ZNF518A: variants seen among roughly 807,000 people sequenced by gnomAD.
ZNF518A encodes the protein zinc finger protein 518A.
Under a neutral mutation model 102.7 loss-of-function variants are expected in ZNF518A, and 47 were observed. The observed-to-expected ratio is 0.46, with a 90% CI of 0.36 to 0.58. ZNF518A has a LOEUF of 0.58. ZNF518A is among the 20% of genes least tolerant of loss of function. ZNF518A has a pLI of 0.00. For missense variants in ZNF518A, 1,793 were observed against 1,699.8 expected (o/e 1.05, Z -0.96); for synonymous variants, 652 against 594.6 (o/e 1.10, Z -1.40).
At position 96,180,180 on chromosome 10, in the gene ZNF518A, CTT is replaced by C. The variant is rs60561670; in HGVS notation, n.36-23371_36-23370del. On this transcript the variant is annotated intron_variant and non_coding_transcript_variant, in intron 1 of 2. Transcript: ENST00000442635. ...CAGGCATGAACCACAGCTCCAGCCT[CTT>C]TTTTTTTTTTTTTTTTTTTTTTAAT... is the stretch of plus-strand genomic sequence containing the variant. Among the ~76,000 whole-genome samples the C allele has an allele frequency of 1.2e-3, 119 of 96,276 alleles. No homozygotes were observed. In the East Asian group the frequency reaches 0.017, roughly 14 times the overall value. The allele number at this position is 96,276 out of a possible 152,430, so 63.2% of individuals were successfully genotyped here. A position where few individuals can be genotyped will look rare whatever the true frequency, so the allele number is the denominator to read the frequency against.
chr10:96,157,442 G>C lies in ZNF518A; in HGVS notation c.1120G>C (p.Asp374His). The C allele has an allele frequency of 6.2e-7, 1 of 1,613,598 alleles. No individual in the cohort carries two copies. The highest frequency in any genetic ancestry group is 8.5e-7 in the Non-Finnish European group (1 of 1,179,706). The change falls in exon 6 of 6, where the codon GAT becomes CAT. Residue 374 changes from aspartate to histidine, a missense_variant. Around this residue, in one of 3 missense-constraint regions of ZNF518A, gnomAD observed 1,741 missense variants for 1,622.6 expected, o/e 1.07. Coordinates refer to ENST00000316045, the MANE Select transcript of ZNF518A (RefSeq NM_001330736.2). ...TCAAGAGCATTTAAGTGAAGAAAAG[G>C]ATGAAAGACTACACTGTGAGAATAA... Reference protein sequence around the residue: ...VVQEHLSEEKDERLHCENNDK... With the variant: ...VVQEHLSEEKHERLHCENNDK...
chr10:96,156,414 C>A lies in ZNF518A; in HGVS notation c.92C>A (p.Ser31Ter). Residue 31 changes from serine to a stop codon, truncating the protein, a stop_gained, in exon 6 of 6, where the codon TCG (serine) becomes TAG (stop). Transcript: ENST00000316045. LOFTEE classifies it high-confidence loss of function. Reference sequence around the variant, plus strand: ...GTGAAAAATGAGATAGTTGATAGGTCGGCACCTAAACCAAAAATTTCAGGA... The same window carrying A: ...GTGAAAAATGAGATAGTTGATAGGTAGGCACCTAAACCAAAAATTTCAGGA... Reference protein sequence around the residue: ...YDVKNEIVDRSAPKPKISGSI... With the variant: ...YDVKNEIVDR 6.2e-7 allele frequency: 1 copy of A among 1,612,166 alleles called. No individual in the cohort carries two copies. Among genetic ancestry groups the A allele is most frequent in the South Asian group, 1.1e-5 (1 of 90,472 alleles).
chr10:96,140,397 G>A (rs1554876087), intron 3 of ZNF518A, among the ~76,000 whole-genome samples: 2 of 152,076 alleles, frequency 1.3e-5, no homozygotes, highest in Non-Finnish European at 2.9e-5. Context: ...GAGTAAGAAT[G>A]GATCACATGA....
At chr10:96,194,600 A>T (rs1477523521) in intron 1 of ZNF518A, among the ~76,000 whole-genome samples, 1 of 152,178 alleles carries the variant, frequency 6.6e-6, no homozygotes, top group Non-Finnish European at 1.5e-5. Flanking sequence ...CATTTATCTG[A>T]TAAGGGGTTA....
rs782149872 is a variant in ZNF518A, at chr10:96,157,955, G to A, written c.1633G>A (p.Asp545Asn). Reference sequence around the variant, plus strand: ...AAGGAATAATATGCTTCAAACAATGGATTATGAGAAAAGTGTATCTTCTTT... The same window carrying A: ...AAGGAATAATATGCTTCAAACAATGAATTATGAGAAAAGTGTATCTTCTTT... Reference protein sequence around the residue: ...SQRNNMLQTMDYEKSVSSLSA... With the variant: ...SQRNNMLQTMNYEKSVSSLSA... The change falls in exon 6 of 6, where the codon GAT becomes AAT. Residue 545 changes from aspartate to asparagine, a missense_variant. Transcript: ENST00000316045. 21 of 1,613,650 alleles carry A rather than the reference G, an allele frequency of 1.3e-5. No homozygotes were observed. The highest frequency in any genetic ancestry group is 1.7e-5 in the Non-Finnish European group (20 of 1,179,784).
intron 1 of ZNF518A, chr10:96,199,990 T>G: frequency 2.0e-6 from 2 of 997,032 alleles, no homozygotes; most frequent in Admixed American, 3.3e-5. Flanking sequence ...ATCGAGCCAC[T>G]GCACTCCAGT....
At chr10:96,132,806 G>C (rs587708134) in intron 2 of ZNF518A, 136 bp downstream of exon 2, 1 of 152,134 alleles carries the variant, frequency 6.6e-6, no homozygotes, top group African/African-American at 2.4e-5. Flanking sequence ...AATTTTTTGA[G>C]TGCTGACATG....
rs1554887635 is a variant in ZNF518A, at chr10:96,160,814, T to A, written c.*40T>A. ...CAAGGAAAAGAAAAGTAAAATTACCTTAGAAGAAAACAACGGGTTCAGTTA... is the reference window on the plus strand; with the variant it reads ...CAAGGAAAAGAAAAGTAAAATTACCATAGAAGAAAACAACGGGTTCAGTTA... On this transcript the variant is annotated 3_prime_UTR_variant, in exon 6 of 6. Transcript: ENST00000316045. 1 of 1,477,606 alleles carries A rather than the reference T, an allele frequency of 6.8e-7. No individual in the cohort carries two copies. Among genetic ancestry groups the A allele is most frequent in the African/African-American group, 1.4e-5 (1 of 70,604 alleles). The allele number at this position is 1,477,606 out of a possible 1,614,324, so 91.5% of individuals were successfully genotyped here. A position where few individuals can be genotyped will look rare whatever the true frequency, so the allele number is the denominator to read the frequency against.
intron 1 of ZNF518A, chr10:96,199,889 G>T (rs2083584156): frequency 6.3e-6 from 2 of 319,822 alleles, no homozygotes; most frequent in South Asian, 6.7e-5. Context: ...CCGGGCTTGG[G>T]GGCACACACA....
chr10:96,138,294 C>G (rs1165113607), intron 3 of ZNF518A, among the ~76,000 whole-genome samples: 1 of 152,170 alleles, frequency 6.6e-6, no homozygotes, highest in African/African-American at 2.4e-5. Context: ...AAACCAAAGC[C>G]TTTACAGTTT....
chr10:96,183,308 A>T, intron 1 of ZNF518A, among the ~76,000 whole-genome samples: 1 of 150,304 alleles, frequency 6.7e-6, no homozygotes, highest in African/African-American at 2.5e-5. Flanking sequence ...TGTGTCTTTA[A>T]CTCCTTCAGT....
intron 3 of ZNF518A, among the ~76,000 whole-genome samples, chr10:96,152,908 A>T (rs1473745050): frequency 6.6e-6 from 1 of 152,234 alleles, no homozygotes; most frequent in African/African-American, 2.4e-5. Flanking sequence ...ATTGATTGAT[A>T]GATACATAAA....
chr10:96,156,670 A>C lies in ZNF518A; in HGVS notation c.348A>C (p.Ile116=). 1 of 1,613,756 alleles carries C rather than the reference A, an allele frequency of 6.2e-7. No homozygotes were observed. Among genetic ancestry groups the C allele is most frequent in the South Asian group, 1.1e-5 (1 of 91,066 alleles). ...AGGGTGTAAAAATGTCTGCAAAAAT[A>C]CTCAATTTCAGCTGTTTAAAATGCC... ...EEEGVKMSAK[I]LNFSCLKCRD... The change falls in exon 6 of 6, where the codon ATA becomes ATC. Residue 116 remains isoleucine, a synonymous_variant. Transcript: ENST00000316045.
At chr10:96,142,787 G>A (rs2081997619) in intron 3 of ZNF518A, among the ~76,000 whole-genome samples, 1 of 151,078 alleles carries the variant, frequency 6.6e-6, no homozygotes, top group African/African-American at 2.4e-5. Flanking sequence ...AAATCTTTCC[G>A]GACCCAATGT....
At chr10:96,135,676 G>A (rs1312587595) in intron 3 of ZNF518A, among the ~76,000 whole-genome samples, 2 of 152,086 alleles carry the variant, frequency 1.3e-5, no homozygotes, top group Non-Finnish European at 2.9e-5. Flanking sequence ...ATTTATTTCT[G>A]GTGCACAGAT....
chr10:96,204,770 C>T (rs1179131731), downstream of ZNF518A: 9 of 684,136 alleles, frequency 1.3e-5, no homozygotes, highest in African/African-American at 1.1e-4. Context: ...GTGCACTTGC[C>T]AGTCTGTTGA....
chr10:96,190,157 C>T, intron 1 of ZNF518A: 1 of 926,470 alleles, frequency 1.1e-6, no homozygotes, highest in South Asian at 1.3e-5. Flanking sequence ...GCCTTTAGTT[C>T]ACAACTGAAA....
chr10:96,180,161 T>C (rs2133891581), intron 1 of ZNF518A, among the ~76,000 whole-genome samples: 1 of 147,260 alleles, frequency 6.8e-6, no homozygotes, highest in South Asian at 2.1e-4. Context: ...GTTACAGGCA[T>C]GAACCACAGC....
rs1256026938 is a variant in ZNF518A at position 96,163,085 on chromosome 10, G to A, written c.*2311G>A. ...AGAAGGAACTTTCCTGCTAATATTCGCAGCACTATAACATTACATTTCAGA... is the reference window on the plus strand; with the variant it reads ...AGAAGGAACTTTCCTGCTAATATTCACAGCACTATAACATTACATTTCAGA... On this transcript the variant is annotated 3_prime_UTR_variant, in exon 6 of 6. Coordinates refer to ENST00000316045, the MANE Select transcript of ZNF518A (RefSeq NM_001330736.2). 4 of 166,926 alleles carry A rather than the reference G, an allele frequency of 2.4e-5. No homozygotes were observed. The highest frequency in any genetic ancestry group is 4.4e-5 in the Non-Finnish European group (3 of 68,040). The allele number at this position is 166,926 out of a possible 1,614,324, so 10.3% of individuals were successfully genotyped here. A position where few individuals can be genotyped will look rare whatever the true frequency, so the allele number is the denominator to read the frequency against.
Sources: allele counts gnomAD v4.1 joint callset (sites outside exome capture counted in the v4.1 genomes callset), GRCh38; gene constraint gnomAD v4.1.1; regional missense constraint gnomAD v4.1.1; transcripts MANE v1.5; gene names NCBI Gene and HGNC (gene_info 2026-07-23, HGNC 2026-07-21).